TREM2: variants seen among roughly 807,000 people sequenced by gnomAD.
TREM2 encodes the protein triggering receptor expressed on myeloid cells 2.
In TREM2, 20 loss-of-function variants were observed where a neutral mutation model predicts 22.9. That is an observed-to-expected ratio of 0.87 (90% CI 0.61 to 1.27). TREM2 has a LOEUF of 1.27. TREM2 is among the 50% of genes most tolerant of loss of function. The probability of loss-of-function intolerance (pLI) is 0.00; values close to 1 mark genes in which losing one functional copy is unlikely to be tolerated. For synonymous variants in TREM2, 111 were observed against 120.9 expected (o/e 0.92, Z 0.54); for missense variants, 267 against 289.0 (o/e 0.92, Z 0.55).
In TREM2 at chr6:41,161,164, A is replaced by C. The variant is rs1765553618; in HGVS notation, c.391+99T>G. ...ATGAGACCATACGATGGGTTTTCCCAGGATCCCTGAGAGCCCAGTGGGTGG... is the reference window on the plus strand; with the variant it reads ...ATGAGACCATACGATGGGTTTTCCCCGGATCCCTGAGAGCCCAGTGGGTGG... On this transcript the variant is annotated intron_variant, in intron 2 of 4. Transcript: ENST00000373113. 2.7e-6 allele frequency: 3 copies of C among 1,096,082 alleles called. No homozygotes were observed. In the South Asian group the frequency reaches 4.0e-5, roughly 15 times the overall value. The allele number at this position is 1,096,082 out of a possible 1,614,324, so 67.9% of individuals were successfully genotyped here.
chr6:41,161,514 C>T lies in TREM2; in HGVS notation c.140G>A (p.Arg47His), dbSNP rs75932628. ...PYDSMKHWGR[R>H]KAWCRQLGEK... ...TCCCAGCTGGCGGCACCAGGCCTTG[C>T]GCCTCCCCCAGTGCTTCATGGAGTC... The change falls in exon 2 of 5, where the codon CGC becomes CAC. Residue 47 changes from arginine (R) to histidine (H), a missense_variant. Transcript: ENST00000373113. 4,478 of 1,614,154 alleles carry T rather than the reference C, an allele frequency of 2.8e-3. 14 individuals carry two copies. Among genetic ancestry groups the T allele is most frequent in the Admixed American group, 3.7e-3 (225 of 60,030 alleles).
chr6:41,161,406 G>T lies in TREM2; in HGVS notation c.248C>A (p.Ala83Asp). 1 of 1,614,226 alleles carries T rather than the reference G, an allele frequency of 6.2e-7. No homozygotes were observed. The highest frequency in any genetic ancestry group is 8.5e-7 in the Non-Finnish European group (1 of 1,180,048). The change falls in exon 2 of 5, where the codon GCC becomes GAC. Residue 83 changes from alanine (A) to aspartate (D), a missense_variant. Physicochemically the swap from Ala to Asp is moderately radical, Grantham distance 126 (BLOSUM62 -2). Coordinates refer to ENST00000373113, the MANE Select transcript of TREM2 (RefSeq NM_018965.4). ...SFLRRWNGSTAITDDTLGGTL... is the reference protein window; with the variant it reads ...SFLRRWNGSTDITDDTLGGTL... ...GCCACCCAGGGTATCGTCTGTGATG[G>T]CTGTGCTCCCATTCCACCTCCTCAG...
intron 2 of TREM2, among the ~76,000 whole-genome samples, chr6:41,160,822 G>A (rs369149593): frequency 5.3e-5 from 8 of 152,316 alleles, no homozygotes; most frequent in African/African-American, 1.9e-4. Context: ...TCTGCACCAG[G>A]TTGGTGCTTC....
chr6:41,162,865 G>A (rs1254480751), intron 1 of TREM2, among the ~76,000 whole-genome samples, 178 bp downstream of exon 1: 3 of 152,118 alleles, frequency 2.0e-5, no homozygotes, highest in Non-Finnish European at 4.4e-5. Context: ...ACTGGGGAGG[G>A]AAGGAGGGTG....
At position 41,161,327 on chromosome 6, in the gene TREM2, C is replaced by T. The variant is rs1765557620; in HGVS notation, c.327G>A (p.Gln109=). The change falls in exon 2 of 5, where the codon CAG becomes CAA. Residue 109 remains glutamine (Q), a synonymous_variant. Transcript: ENST00000373113. ...NLQPHDAGLY[Q]CQSLHGSEAD... is the part of the protein sequence containing the mutation. ...CCTCACTGCCATGGAGGCTCTGGCA[C>T]TGGTAGAGACCCGCATCATGGGGTT... 1 of 1,614,138 alleles carries T rather than the reference C, an allele frequency of 6.2e-7. No individual in the cohort carries two copies. The highest frequency in any genetic ancestry group is 1.3e-5 in the African/African-American group (1 of 74,942).
chr6:41,159,721 G>GC (rs1765509005), intron 3 of TREM2, 71 bp downstream of exon 3: 9 of 1,421,890 alleles, frequency 6.3e-6, no homozygotes, highest in African/African-American at 2.8e-5. Flanking sequence ...AGGATGCCCA[G>GC]CCCCCACCCC....
In TREM2 at chr6:41,161,465, C is replaced by A; in HGVS notation, c.189G>T (p.Val63=). 1 of 1,614,252 alleles carries A rather than the reference C, an allele frequency of 6.2e-7. No individual in the cohort carries two copies. The highest frequency in any genetic ancestry group is 8.5e-7 in the Non-Finnish European group (1 of 1,180,054). The change falls in exon 2 of 5, where the codon GTG becomes GTT. Residue 63 remains valine (V), a synonymous_variant. Transcript: ENST00000373113. ...GCAGCCACAAGTTGTGCGTGCTGAC[C>A]ACACGCTGGCATGGGCCCTTCTCTC... is the stretch of plus-strand genomic sequence containing the variant. ...QLGEKGPCQR[V]VSTHNLWLLS...
In TREM2 at chr6:41,161,284, C is replaced by T; in HGVS notation, c.370G>A (p.Val124Ile). 11 of 1,614,066 alleles carry T rather than the reference C, an allele frequency of 6.8e-6. No individual in the cohort carries two copies. Among genetic ancestry groups the T allele is most frequent in the Non-Finnish European group, 9.3e-6 (11 of 1,179,954 alleles). The change falls in exon 2 of 5, where the codon GTC becomes ATC. Residue 124 changes from valine to isoleucine, a missense_variant. Coordinates refer to ENST00000373113, the MANE Select transcript of TREM2 (RefSeq NM_018965.4). Reference sequence around the variant, plus strand: ...TCACCTGCCAGCACCTCCACCAGGACCTTCCTGAGGGTGTCAGCCTCACTG... The same window carrying T: ...TCACCTGCCAGCACCTCCACCAGGATCTTCCTGAGGGTGTCAGCCTCACTG... Reference protein sequence around the residue: ...HGSEADTLRKVLVEVLADPLD... With the variant: ...HGSEADTLRKILVEVLADPLD...
intron 1 of TREM2, 112 bp from the exon 2 acceptor site, chr6:41,161,725 T>C (rs1330797403): frequency 3.2e-6 from 3 of 930,384 alleles, no homozygotes; most frequent in Non-Finnish European, 1.7e-6. Flanking sequence ...CTTAGGTTCT[T>C]ATACAAGTTG....
At position 41,158,854 on chromosome 6, in the gene TREM2, C is replaced by T; in HGVS notation, c.676+19G>A. The stretch of plus-strand genomic sequence containing the variant: ...TCCCTGCCCAGTCCACCCTTGATGG[C>T]TGTGCTCTCCAAGCCCACCTGGCAG... On this transcript the variant is annotated intron_variant, in intron 4 of 4. Transcript: ENST00000373113. 6.2e-7 allele frequency: 1 copy of T among 1,614,224 alleles called. No individual in the cohort carries two copies. The highest frequency in any genetic ancestry group is 8.5e-7 in the Non-Finnish European group (1 of 1,180,018).
chr6:41,158,981 C>T lies in TREM2; in HGVS notation c.568G>A (p.Ala190Thr), dbSNP rs560925779. 2 of 1,614,206 alleles carry T rather than the reference C, an allele frequency of 1.2e-6. No homozygotes were observed. Among genetic ancestry groups the T allele is most frequent in the East Asian group, 2.2e-5 (1 of 44,880 alleles). The change falls in exon 4 of 5, where the codon GCC (alanine) becomes ACC (threonine). Residue 190 changes from alanine (A) to threonine (T), a missense_variant. Ala to Thr is a moderately conservative substitution (Grantham distance 58). Coordinates refer to ENST00000373113, the MANE Select transcript of TREM2 (RefSeq NM_018965.4). The part of the protein sequence containing the change: ...ACIFLIKILA[A>T]SALWAAAWHG... ...CAGGCTGCAGCCCAGAGGGCGCTGG[C>T]TGCTAGAATCTTGATGAGAAAGATG...
In TREM2 at chr6:41,161,492, C is replaced by G; in HGVS notation, c.162G>C (p.Leu54=). The change falls in exon 2 of 5, where the codon CTG becomes CTC. Residue 54 remains leucine, a synonymous_variant. Transcript: ENST00000373113. ...WGRRKAWCRQ[L]GEKGPCQRVV... is the part of the protein sequence containing the mutation. ...CACGCTGGCATGGGCCCTTCTCTCC[C>G]AGCTGGCGGCACCAGGCCTTGCGCC... 2 of 1,614,240 alleles carry G rather than the reference C, an allele frequency of 1.2e-6. No homozygotes were observed. The highest frequency in any genetic ancestry group is 8.5e-7 in the Non-Finnish European group (1 of 1,180,036).
chr6:41,159,794 G>A lies in TREM2; in HGVS notation c.480C>T (p.Ser160=). The change falls in exon 3 of 5, where the codon TCC becomes TCT. Residue 160 remains serine (S), a splice_region_variant and synonymous_variant. Transcript: ENST00000373113. ...FEDAHVEHSI[S]RSLLEGEIPF... ...TTAGGAAAGACCCATCGCTGTACCTGGAGATGCTGTGCTCCACATGGGCAT... is the reference window on the plus strand; with the variant it reads ...TTAGGAAAGACCCATCGCTGTACCTAGAGATGCTGTGCTCCACATGGGCAT... The A allele has an allele frequency of 4.3e-6, 7 of 1,613,920 alleles. No homozygotes were observed. The highest frequency in any genetic ancestry group is 5.9e-6 in the Non-Finnish European group (7 of 1,179,826).
chr6:41,159,707 G>T, intron 3 of TREM2, 85 bp downstream of exon 3: 1 of 1,262,698 alleles, frequency 7.9e-7, no homozygotes, highest in Non-Finnish European at 1.2e-6. Context: ...GTAATTTGTA[G>T]TTCAGGATGC....
intron 2 of TREM2, 96 bp from the exon 3 acceptor site, chr6:41,159,978 C>A: frequency 1.1e-6 from 1 of 897,344 alleles, no homozygotes; most frequent in Non-Finnish European, 1.8e-6. Flanking sequence ...GTGAGGTCCC[C>A]TGGGCACTGG....
At position 41,161,481 on chromosome 6, in the gene TREM2, C is replaced by G. The variant is rs886042808; in HGVS notation, c.173G>C (p.Gly58Ala). Residue 58 changes from glycine (G) to alanine (A), a missense_variant, in exon 2 of 5, where the codon GGC becomes GCC. Transcript: ENST00000373113. The stretch of plus-strand genomic sequence containing the variant: ...CGTGCTGACCACACGCTGGCATGGG[C>G]CCTTCTCTCCCAGCTGGCGGCACCA... ...KAWCRQLGEK[G>A]PCQRVVSTHN... is the part of the protein sequence containing the mutation. 5.0e-6 allele frequency: 8 copies of G among 1,614,232 alleles called. No homozygotes were observed. Among genetic ancestry groups the G allele is most frequent in the Non-Finnish European group, 6.8e-6 (8 of 1,180,040 alleles).
Position 41,159,876 on chromosome 6 carries a change from AGGGGG to A in TREM2, c.393_397del (p.Pro132GlyfsTer15). 6.2e-7 allele frequency: 1 copy of A among 1,613,744 alleles called. No homozygotes were observed. The highest frequency in any genetic ancestry group is 2.2e-5 in the East Asian group (1 of 44,872). ...GAGATCTCCAGCATCCCGGTGATCC[AGGGGG>A]TCTATGGGAGGCAGAGCCATGAGCC... On this transcript the variant is annotated frameshift_variant and splice_region_variant, in exon 3 of 5. Transcript: ENST00000373113. LOFTEE classifies it high-confidence loss of function.
rs2113878312 is a variant in TREM2 at position 41,159,883 on chromosome 6, CT to C, written c.392-2del. The C allele has an allele frequency of 6.2e-7, 1 of 1,613,544 alleles. No homozygotes were observed. The highest frequency in any genetic ancestry group is 2.2e-5 in the East Asian group (1 of 44,862). On this transcript the variant is annotated splice_acceptor_variant, in intron 2 of 4. Transcript: ENST00000373113. LOFTEE classifies it high-confidence loss of function. Reference sequence around the variant, plus strand: ...CCAGCATCCCGGTGATCCAGGGGGTCTATGGGAGGCAGAGCCATGAGCCTCC... The same window carrying C: ...CCAGCATCCCGGTGATCCAGGGGGTCATGGGAGGCAGAGCCATGAGCCTCC...
chr6:41,159,272 T>C (rs1043632153), intron 3 of TREM2, among the ~76,000 whole-genome samples: 5 of 152,104 alleles, frequency 3.3e-5, no homozygotes, highest in African/African-American at 4.8e-5. Context: ...ACCTGCTGAG[T>C]GCACTTAAAC....
Sources: allele counts gnomAD v4.1 joint callset (sites outside exome capture counted in the v4.1 genomes callset), GRCh38; gene constraint gnomAD v4.1.1; transcripts MANE v1.5; gene names NCBI Gene and HGNC (gene_info 2026-07-23, HGNC 2026-07-21).